Variants in VSNL1 observed in about 807,000 individuals in gnomAD.
VSNL1 encodes visinin-like protein 1.
A neutral mutation model predicts 20.4 loss-of-function variants in VSNL1; 6 were observed. That is an observed-to-expected ratio of 0.29 (90% confidence interval 0.16 to 0.58). The LOEUF (loss-of-function observed/expected upper bound fraction) is 0.58, where lower values mean the gene tolerates loss of function less well. VSNL1 is among the 20% of genes least tolerant of loss of function. The pLI is 0.90. For missense variants in VSNL1, 100 were observed against 234.5 expected (o/e 0.43, Z 3.75); for synonymous variants, 93 against 86.4 (o/e 1.08, Z -0.42).
intron 1 of VSNL1, among the ~76,000 whole-genome samples, chr2:17,576,029 G>T (rs1220265531): frequency 6.6e-6 from 1 of 152,014 alleles, no homozygotes; most frequent in Non-Finnish European, 1.5e-5. Flanking sequence ...TTGGGTCATT[G>T]GTTTGTATAG....
chr2:17,589,880 T>C (rs1664559419), intron 1 of VSNL1, among the ~76,000 whole-genome samples: 1 of 152,204 alleles, frequency 6.6e-6, no homozygotes, highest in South Asian at 2.1e-4. Context: ...GCAGCCAGGC[T>C]GGCAAAGTGA....
rs1256980227 is a variant in VSNL1 at position 17,634,986 on chromosome 2, A to G, written c.163-14424A>G. Among the ~76,000 whole-genome samples the G allele has an allele frequency of 1.3e-5, 2 of 152,140 alleles. No homozygotes were observed. The highest frequency in any genetic ancestry group is 2.4e-5 in the African/African-American group (1 of 41,446). The stretch of plus-strand genomic sequence containing the variant: ...TACACACACATACATGTGCACATAC[A>G]TACATACACACTTGGCTCAGGGCAC... On this transcript the variant is annotated intron_variant, in intron 2 of 3. Coordinates refer to ENST00000295156, the MANE Select transcript of VSNL1 (RefSeq NM_003385.5). This position sits in a 1 kb window ranked among gnomAD's most constrained non-coding sequence, Gnocchi z 4.3.
chr2:17,653,818 A>G (rs942383303), intron 3 of VSNL1, among the ~76,000 whole-genome samples: 1 of 152,220 alleles, frequency 6.6e-6, no homozygotes, highest in East Asian at 1.9e-4. Context: ...GAGATATGCA[A>G]CCATCACCAT....
At chr2:17,578,503 T>C (rs1664270577) in intron 1 of VSNL1, among the ~76,000 whole-genome samples, 1 of 152,216 alleles carries the variant, frequency 6.6e-6, no homozygotes. Flanking sequence ...TCAAACTGAG[T>C]ATCACTTCAC....
intron 2 of VSNL1, among the ~76,000 whole-genome samples, chr2:17,640,871 A>G (rs2103421641): frequency 6.6e-6 from 1 of 152,330 alleles, no homozygotes; most frequent in East Asian, 1.9e-4. Flanking sequence ...GAAATATACA[A>G]TAAATTATGG....
intron 2 of VSNL1, among the ~76,000 whole-genome samples, chr2:17,609,117 A>T (rs1665020940): frequency 6.6e-6 from 1 of 152,192 alleles, no homozygotes; most frequent in Non-Finnish European, 1.5e-5. Context: ...TCATGGGGAA[A>T]GTCCAAGCCG....
chr2:17,622,589 AAAGAAAGAAAG>A (rs1665405068), intron 2 of VSNL1, among the ~76,000 whole-genome samples: 1 of 131,790 alleles, frequency 7.6e-6, no homozygotes. Context: ...AGAAAGAAAG[AAAGAAAGAAAG>A]AAAAGAAAGA....
At chr2:17,623,190 A>C (rs1367002567) in intron 2 of VSNL1, among the ~76,000 whole-genome samples, 2 of 152,200 alleles carry the variant, frequency 1.3e-5, no homozygotes, top group Admixed American at 1.3e-4. Flanking sequence ...GAATAGATGT[A>C]ATTAAATATG....
chr2:17,551,474 A>G (rs745820763), intron 1 of VSNL1, among the ~76,000 whole-genome samples: 2 of 152,254 alleles, frequency 1.3e-5, no homozygotes, highest in Non-Finnish European at 2.9e-5. Context: ...GAAGGGAGGC[A>G]TGATAGAGCA....
At chr2:17,610,410 C>T (rs1237944268) in intron 2 of VSNL1, among the ~76,000 whole-genome samples, 4 of 152,194 alleles carry the variant, frequency 2.6e-5, no homozygotes, top group South Asian at 2.1e-4. Flanking sequence ...GGAAGAGGCT[C>T]CAGGAAGGCC....
intron 2 of VSNL1, among the ~76,000 whole-genome samples, chr2:17,603,648 CA>C (rs1255934688): frequency 6.6e-6 from 1 of 152,112 alleles, no homozygotes; most frequent in Non-Finnish European, 1.5e-5. Context: ...CAGAGGGCAT[CA>C]AATGTCACAA....
At chr2:17,605,230 A>T (rs939375602) in intron 2 of VSNL1, among the ~76,000 whole-genome samples, 39 of 152,352 alleles carry the variant, frequency 2.6e-4, no homozygotes, top group African/African-American at 8.9e-4. Context: ...CTGCTGTCTG[A>T]TTATGCAGCA....
chr2:17,604,809 G>A (rs779754407), intron 2 of VSNL1, among the ~76,000 whole-genome samples: 2 of 152,206 alleles, frequency 1.3e-5, no homozygotes, highest in Non-Finnish European at 2.9e-5. Context: ...TCCTATGTTT[G>A]TTCATTTGGG....
chr2:17,591,745 G>A (rs1274940946), intron 1 of VSNL1, among the ~76,000 whole-genome samples: 1 of 151,992 alleles, frequency 6.6e-6, no homozygotes, highest in Non-Finnish European at 1.5e-5. Flanking sequence ...TTTGTAGAAG[G>A]AAAAGAAAAA....
chr2:17,581,537 A>G (rs1028191090), intron 1 of VSNL1, among the ~76,000 whole-genome samples: 1 of 152,208 alleles, frequency 6.6e-6, no homozygotes, highest in Non-Finnish European at 1.5e-5. Context: ...ATTTTAAACA[A>G]TGCTGAAGTA....
At chr2:17,550,604 G>C (rs555926074) in intron 1 of VSNL1, among the ~76,000 whole-genome samples, 3 of 152,228 alleles carry the variant, frequency 2.0e-5, no homozygotes, top group Admixed American at 2.0e-4. Context: ...AGAGTAACTG[G>C]GACTTCCCTT....
chr2:17,611,697 C>T (rs558414175), intron 2 of VSNL1, among the ~76,000 whole-genome samples: 12 of 152,336 alleles, frequency 7.9e-5, no homozygotes, highest in African/African-American at 2.9e-4. Context: ...GCTCCGTCTC[C>T]AGCACCCCCA....
At chr2:17,598,545 G>A (rs1664759608) in intron 2 of VSNL1, among the ~76,000 whole-genome samples, 1 of 152,190 alleles carries the variant, frequency 6.6e-6, no homozygotes, top group South Asian at 2.1e-4. Flanking sequence ...TGGTTCTAAA[G>A]GACAAAATCT....
chr2:17,562,293 T>G (rs1035499839), intron 1 of VSNL1, among the ~76,000 whole-genome samples: 2 of 152,208 alleles, frequency 1.3e-5, no homozygotes, highest in Non-Finnish European at 2.9e-5. Flanking sequence ...AGAAACCCTA[T>G]TCAGTTTCCA....
Sources: allele counts gnomAD v4.1 joint callset (sites outside exome capture counted in the v4.1 genomes callset), GRCh38; gene constraint gnomAD v4.1.1; non-coding constraint Gnocchi (gnomAD v3.1); transcripts MANE v1.5; gene names NCBI Gene and HGNC (gene_info 2026-07-23, HGNC 2026-07-21).